The following MAML1 variants were observed in gnomAD, a reference collection of about 807,000 sequenced individuals.
The protein encoded by MAML1 is mastermind-like protein 1.
In MAML1, 14 loss-of-function variants were observed where a neutral mutation model predicts 77.1. The ratio of observed to expected loss-of-function variants is 0.18; its 90% CI spans 0.12 to 0.28. The LOEUF is 0.28. Among genes scored for constraint, MAML1 ranks in the 10% least tolerant of loss-of-function variants. The pLI is 1.00. For synonymous variants in MAML1, 516 were observed against 551.9 expected (o/e 0.93, Z 0.91); for missense variants, 1,217 against 1,327.8 (o/e 0.92, Z 1.30).
rs1327393814 is a variant in MAML1, at chr5:179,766,875, C to T, written c.1731+134C>T. On this transcript the variant is annotated intron_variant, in intron 2 of 4. Transcript: ENST00000292599. The surrounding 1 kb of genome is among the most constrained non-coding windows in gnomAD (Gnocchi z 4.0). ...GGGAATAGCTGCTGTCATCCTTGCT[C>T]CTCTTGGGAGTGGAAATTTATAAAA... is the stretch of plus-strand genomic sequence containing the variant. 1.2e-5 allele frequency: 8 copies of T among 659,636 alleles called. No homozygotes were observed. The highest frequency in any genetic ancestry group is 1.9e-5 in the Non-Finnish European group (8 of 422,170). 40.9% of individuals were successfully genotyped at this position (659,636 alleles called of 1,614,324 possible). A position where few individuals can be genotyped will look rare whatever the true frequency, so the allele number is the denominator to read the frequency against.
At chr5:179,744,902 AT>A (rs955746486) in intron 1 of MAML1, among the ~76,000 whole-genome samples, 172 of 145,830 alleles carry the variant, frequency 1.2e-3, no homozygotes, top group African/African-American at 1.7e-3. Context: ...TGCATTATAA[AT>A]TTTTTTTTTT....
At position 179,766,028 on chromosome 5, in the gene MAML1, A is replaced by C. The variant is rs1779810954; in HGVS notation, c.1018A>C (p.Ser340Arg). 1 of 1,593,506 alleles carries C rather than the reference A, an allele frequency of 6.3e-7. No homozygotes were observed. The highest frequency in any genetic ancestry group is 1.4e-5 in the African/African-American group (1 of 73,852). Residue 340 changes from serine to arginine, a missense_variant, in exon 2 of 5, where the codon AGC becomes CGC. By Grantham distance (110) the Ser-to-Arg change is moderately radical. Coordinates refer to ENST00000292599, the MANE Select transcript of MAML1 (RefSeq NM_014757.5). The surrounding 1 kb of genome is among the most constrained non-coding windows in gnomAD (Gnocchi z 4.0). Reference sequence around the variant, plus strand: ...TGCCCCTGTGAGTACAGATTCCCCCAGCCTAGGGGGCTCCCAAACCTTATT... The same window carrying C: ...TGCCCCTGTGAGTACAGATTCCCCCCGCCTAGGGGGCTCCCAAACCTTATT... ...SSAPVSTDSPSLGGSQTLFHT... is the reference protein window; with the variant it reads ...SSAPVSTDSPRLGGSQTLFHT...
intron 1 of MAML1, among the ~76,000 whole-genome samples, chr5:179,739,989 T>C (rs1275760272): frequency 6.6e-6 from 1 of 152,190 alleles, no homozygotes; most frequent in East Asian, 1.9e-4. Context: ...TTGTTAACTT[T>C]GTTATAATAA....
Position 179,774,995 on chromosome 5 carries a change from G to A in MAML1, c.*118G>A, listed in dbSNP as rs1756103246. Reference sequence around the variant, plus strand: ...TGGCCTGGGGAGCTGGGCAGGTAGAGCCCAAGCTCCAGGTGAGGCCTGGCC... The same window carrying A: ...TGGCCTGGGGAGCTGGGCAGGTAGAACCCAAGCTCCAGGTGAGGCCTGGCC... On this transcript the variant is annotated 3_prime_UTR_variant, in exon 5 of 5. Transcript: ENST00000292599. The A allele has an allele frequency of 5.4e-6, 8 of 1,485,878 alleles. No individual in the cohort carries two copies. The highest frequency in any genetic ancestry group is 4.7e-5 in the Admixed American group (2 of 42,310). The allele number at this position is 1,485,878 out of a possible 1,614,324, so 92.0% of individuals were successfully genotyped here. A position where few individuals can be genotyped will look rare whatever the true frequency, so the allele number is the denominator to read the frequency against.
intron 1 of MAML1, among the ~76,000 whole-genome samples, chr5:179,739,190 A>G (rs1779229713): frequency 6.6e-6 from 1 of 152,174 alleles, no homozygotes; most frequent in Non-Finnish European, 1.5e-5. Flanking sequence ...TGGAAAAAAA[A>G]GTAAAAAAAT....
At chr5:179,765,199 TG>T (rs552097813) in intron 1 of MAML1, 126 bp from the exon 2 acceptor site, 4 of 731,162 alleles carry the variant, frequency 5.5e-6, no homozygotes, top group African/African-American at 1.8e-5. Context: ...TCCCCAGAAA[TG>T]GGAGTGTACA....
Position 179,764,693 on chromosome 5 carries a change from G to T in MAML1, c.316-633G>T, listed in dbSNP as rs541782492. ...AAAAAAGTGAGGGGCTGGGCACAGT[G>T]GCTCATGCCTGTAATCCCAGCACTT... is the stretch of plus-strand genomic sequence containing the variant. On this transcript the variant is annotated intron_variant, in intron 1 of 4. Coordinates refer to ENST00000292599, the MANE Select transcript of MAML1 (RefSeq NM_014757.5). Among the ~76,000 whole-genome samples, 10 of 152,082 alleles carry T rather than the reference G, an allele frequency of 6.6e-5. No homozygotes were observed. In the East Asian group the frequency reaches 1.7e-3, roughly 26 times the overall value.
In MAML1 at chr5:179,775,007, G is replaced by T. The variant is rs557551188; in HGVS notation, c.*130G>T. 1 of 1,472,780 alleles carries T rather than the reference G, an allele frequency of 6.8e-7. No individual in the cohort carries two copies. The highest frequency in any genetic ancestry group is 1.4e-5 in the African/African-American group (1 of 70,774). 91.2% of individuals were successfully genotyped at this position (1,472,780 alleles called of 1,614,324 possible). ...CTGGGCAGGTAGAGCCCAAGCTCCA[G>T]GTGAGGCCTGGCCCTGGGCAGGGTC... On this transcript the variant is annotated 3_prime_UTR_variant, in exon 5 of 5. Transcript: ENST00000292599.
chr5:179,759,775 C>T (rs772891106), intron 1 of MAML1, among the ~76,000 whole-genome samples: 15 of 152,174 alleles, frequency 9.9e-5, no homozygotes, highest in Non-Finnish European at 1.8e-4. Flanking sequence ...CAGTGAGCCA[C>T]GCTGGTGGAG....
At chr5:179,742,260 G>T (rs1009887275) in intron 1 of MAML1, among the ~76,000 whole-genome samples, 54 of 151,666 alleles carry the variant, frequency 3.6e-4, no homozygotes, top group African/African-American at 1.3e-3. Context: ...AGGCCAAGGC[G>T]GGTGGATCAT....
intron 1 of MAML1, among the ~76,000 whole-genome samples, chr5:179,742,682 C>T (rs1779306081): frequency 6.6e-6 from 1 of 151,954 alleles, no homozygotes; most frequent in Non-Finnish European, 1.5e-5. Flanking sequence ...CGGCACACAC[C>T]TCTAATCCCA....
chr5:179,743,972 G>T (rs1232550586), intron 1 of MAML1, among the ~76,000 whole-genome samples: 5 of 152,130 alleles, frequency 3.3e-5, no homozygotes, highest in African/African-American at 1.2e-4. Context: ...AATGTAGCCA[G>T]TGGAATCCGA....
rs762697925 is a variant in MAML1 at position 179,766,089 on chromosome 5, G to T, written c.1079G>T (p.Ser360Ile). 1.8e-5 allele frequency: 28 copies of T among 1,583,510 alleles called. No individual in the cohort carries two copies. The highest frequency in any genetic ancestry group is 2.6e-6 in the Non-Finnish European group (3 of 1,166,318). Residue 360 changes from serine to isoleucine, a missense_variant, in exon 2 of 5, where the codon AGT (serine) becomes ATT (isoleucine). Physicochemically the swap from Ser to Ile is moderately radical, Grantham distance 142 (BLOSUM62 -2). Coordinates refer to ENST00000292599, the MANE Select transcript of MAML1 (RefSeq NM_014757.5). The surrounding 1 kb of genome is among the most constrained non-coding windows in gnomAD (Gnocchi z 4.0). ...GGTCAGCCCCGGGCGGACAATCCCA[G>T]TCCAAACCTGATGCCGGCATCAGCC... The part of the protein sequence containing the change: ...TSGQPRADNP[S>I]PNLMPASAQA...
intron 1 of MAML1, among the ~76,000 whole-genome samples, chr5:179,740,783 C>T (rs1779267760): frequency 6.6e-6 from 1 of 152,108 alleles, no homozygotes. Flanking sequence ...GACTAGATGG[C>T]TTTGTTTTGC....
chr5:179,741,621 G>A (rs1436195184), intron 1 of MAML1, among the ~76,000 whole-genome samples: 2 of 151,244 alleles, frequency 1.3e-5, no homozygotes, highest in Non-Finnish European at 2.9e-5. Flanking sequence ...AGGAGGTCGA[G>A]GTTGTCGTGA....
In MAML1 at chr5:179,769,151, C is replaced by T. The variant is rs1755908378; in HGVS notation, c.1971+62C>T. On this transcript the variant is annotated intron_variant, in intron 3 of 4. Coordinates refer to ENST00000292599, the MANE Select transcript of MAML1 (RefSeq NM_014757.5). This position sits in a 1 kb window ranked among gnomAD's most constrained non-coding sequence, Gnocchi z 4.2. Reference sequence around the variant, plus strand: ...CCTTTGCCTGCACCCTGCGTCACTGCTACAGTCACACCTTCTGCTTGTGCG... The same window carrying T: ...CCTTTGCCTGCACCCTGCGTCACTGTTACAGTCACACCTTCTGCTTGTGCG... 1 of 1,595,278 alleles carries T rather than the reference C, an allele frequency of 6.3e-7. No individual in the cohort carries two copies. Among genetic ancestry groups the T allele is most frequent in the East Asian group, 2.2e-5 (1 of 44,718 alleles).
intron 1 of MAML1, among the ~76,000 whole-genome samples, chr5:179,753,220 TGTGCGCGCGC>T (rs1465422487): frequency 7.9e-5 from 3 of 37,812 alleles, no homozygotes; most frequent in Admixed American, 5.1e-4. Flanking sequence ...TGTGTGTGTG[TGTGCGCGCGC>T]GCGCGCGCGT....
chr5:179,744,532 T>C (rs886572276), intron 1 of MAML1, among the ~76,000 whole-genome samples: 1 of 151,804 alleles, frequency 6.6e-6, no homozygotes. Context: ...TGGATCCTTT[T>C]GGCAGGATTT....
At chr5:179,768,783 ACTGGATGGAG>A in intron 2 of MAML1, 57 bp from the exon 3 acceptor site, 1 of 1,575,168 alleles carries the variant, frequency 6.3e-7, no homozygotes, top group Non-Finnish European at 8.6e-7. Flanking sequence ...CCTTGAATTC[ACTGGATGGAG>A]CTTATTTGGT....
Sources: allele counts gnomAD v4.1 joint callset (sites outside exome capture counted in the v4.1 genomes callset), GRCh38; gene constraint gnomAD v4.1.1; non-coding constraint Gnocchi (gnomAD v3.1); transcripts MANE v1.5; gene names NCBI Gene and HGNC (gene_info 2026-07-23, HGNC 2026-07-21).